KIAA1210: variants seen among roughly 807,000 people sequenced by gnomAD.
KIAA1210 encodes the protein acrosomal protein KIAA1210.
In KIAA1210, 48 loss-of-function variants were observed where a neutral mutation model predicts 78.9. The observed-to-expected ratio is 0.61, with a 90% CI of 0.48 to 0.77. KIAA1210 has a LOEUF of 0.77. KIAA1210 is among the 30% of genes least tolerant of loss of function. The probability of loss-of-function intolerance (pLI) is 0.00; values close to 1 mark genes in which losing one functional copy is unlikely to be tolerated. For synonymous variants in KIAA1210, 406 were observed against 404.5 expected (o/e 1.00, Z -0.04); for missense variants, 1,108 against 1,100.0 (o/e 1.01, Z -0.10).
chrX:119,093,868 T>C, intron 7 of KIAA1210, 93 bp from the exon 8 acceptor site: 1 of 914,863 alleles, frequency 1.1e-6, no homozygotes, highest in Non-Finnish European at 1.5e-6. Flanking sequence ...GGAAAAAAGT[T>C]CTTGATGCTG....
chrX:119,105,237 G>A, intron 5 of KIAA1210, 90 bp from the exon 6 acceptor site: 1 of 941,014 alleles, frequency 1.1e-6, no homozygotes. Context: ...ATAAGAGTAA[G>A]GAATCCAAAG....
intron 2 of KIAA1210, among the ~76,000 whole-genome samples, chrX:119,134,248 T>A (rs1056602654): frequency 3.9e-4 from 43 of 111,638 alleles, no homozygotes; most frequent in African/African-American, 1.4e-3. Context: ...TGTGCCTGCC[T>A]TATTTCACTT....
intron 5 of KIAA1210, among the ~76,000 whole-genome samples, chrX:119,107,065 G>A (rs1283393445): frequency 8.9e-6 from 1 of 111,978 alleles, no homozygotes; most frequent in Admixed American, 9.5e-5. Flanking sequence ...CCCATGCAAA[G>A]GTCAGGTTGG....
chrX:119,111,136 C>T (rs1033455688), intron 3 of KIAA1210, among the ~76,000 whole-genome samples: 2 of 111,131 alleles, frequency 1.8e-5, no homozygotes, highest in Non-Finnish European at 1.9e-5. Flanking sequence ...CAGAAATGAA[C>T]CTATACATCT....
At chrX:119,102,192 T>C (rs760825721) in intron 6 of KIAA1210, among the ~76,000 whole-genome samples, 1 of 112,710 alleles carries the variant, frequency 8.9e-6, no homozygotes, top group African/African-American at 3.2e-5. Flanking sequence ...TTCACCTCTC[T>C]GAACCTCAAT....
intron 2 of KIAA1210, among the ~76,000 whole-genome samples, chrX:119,144,265 G>A (rs759477134): frequency 8.9e-6 from 1 of 112,429 alleles, no homozygotes; most frequent in Admixed American, 9.4e-5. Context: ...GCCTAACATC[G>A]TGAGGAACTC....
chrX:119,081,619 G>T, intron 11 of KIAA1210, 115 bp from the exon 12 acceptor site: 1 of 706,925 alleles, frequency 1.4e-6, no homozygotes, highest in Non-Finnish European at 2.0e-6. Flanking sequence ...TGATCCCCCT[G>T]CTCTAGTGCT....
In KIAA1210 at chrX:119,089,750, C is replaced by G; in HGVS notation, c.956-4G>C. On this transcript the variant is annotated splice_polypyrimidine_tract_variant and splice_region_variant and intron_variant, in intron 8 of 11. Coordinates refer to ENST00000691062, the MANE Select transcript of KIAA1210 (RefSeq NM_001394962.1). ...TTCTGTTTCTGGCTTGAGGAATCTGCACCAAACAGAAATAAGGAAAGGAGA... is the reference window on the plus strand; with the variant it reads ...TTCTGTTTCTGGCTTGAGGAATCTGGACCAAACAGAAATAAGGAAAGGAGA... 1 of 1,183,247 alleles carries G rather than the reference C, an allele frequency of 8.5e-7. No homozygotes were observed. Among genetic ancestry groups the G allele is most frequent in the Non-Finnish European group, 1.1e-6 (1 of 882,881 alleles).
At position 119,089,063 on chromosome X, in the gene KIAA1210, G is replaced by T. The variant is rs760215525; in HGVS notation, c.1639C>A (p.Gln547Lys). The T allele has an allele frequency of 8.3e-7, 1 of 1,211,674 alleles. No individual in the cohort carries two copies. ...TCTTTGCAGATAGTTTGAACATCCTGGGCTGACTCCATTTTGGATTGGGCC... is the reference window on the plus strand; with the variant it reads ...TCTTTGCAGATAGTTTGAACATCCTTGGCTGACTCCATTTTGGATTGGGCC... ...QKAQSKMESA[Q>K]DVQTICKEKP... is the part of the protein sequence containing the mutation. The change falls in exon 9 of 12, where the codon CAG becomes AAG. Residue 547 changes from glutamine (Q) to lysine (K), a missense_variant. Gln to Lys is a moderately conservative substitution (Grantham distance 53). Around this residue, in one of 5 missense-constraint regions of KIAA1210, gnomAD observed 672 missense variants for 607.1 expected, o/e 1.11. Transcript: ENST00000691062.
chrX:119,103,081 A>G (rs1478792196), intron 6 of KIAA1210, among the ~76,000 whole-genome samples: 1 of 111,590 alleles, frequency 9.0e-6, no homozygotes, highest in Admixed American at 9.5e-5. Flanking sequence ...TCTTTCCCCA[A>G]TATCCGCCTT....
chrX:119,129,050 G>T (rs747604925), upstream of KIAA1210, among the ~76,000 whole-genome samples: 2 of 111,784 alleles, frequency 1.8e-5, no homozygotes, highest in South Asian at 3.7e-4. Flanking sequence ...CTAGTTTTTT[G>T]TCTATCTCCT....
chrX:119,082,077 T>C (rs1926984713), intron 11 of KIAA1210, among the ~76,000 whole-genome samples: 1 of 111,875 alleles, frequency 8.9e-6, no homozygotes, highest in Non-Finnish European at 1.9e-5. Context: ...CTTAGTGACT[T>C]AGAATCAACC....
chrX:119,126,533 C>G (rs891529239), intron 1 of KIAA1210, among the ~76,000 whole-genome samples: 1 of 112,009 alleles, frequency 8.9e-6, no homozygotes, highest in African/African-American at 3.3e-5. Context: ...ACTTGAGTCC[C>G]AGGCCCACAC....
At chrX:119,085,712 T>C (rs1927111018) in intron 9 of KIAA1210, among the ~76,000 whole-genome samples, 166 bp from the exon 10 acceptor site, 1 of 112,437 alleles carries the variant, frequency 8.9e-6, no homozygotes. Flanking sequence ...GCCCTCCCTA[T>C]AGCTTGGCAA....
At chrX:119,083,410 T>C (rs186835833) in intron 10 of KIAA1210, among the ~76,000 whole-genome samples, 26 of 112,327 alleles carry the variant, frequency 2.3e-4, no homozygotes, top group African/African-American at 8.4e-4. Context: ...GTTAACAAGA[T>C]AATTATTTAA....
At chrX:119,138,945 C>A (rs181027425) in intron 2 of KIAA1210, among the ~76,000 whole-genome samples, 70 of 112,179 alleles carry the variant, frequency 6.2e-4, no homozygotes, top group African/African-American at 1.6e-3. Flanking sequence ...GAGAGAAAAG[C>A]ATACCCCAGC....
chrX:119,088,106 C>T lies in KIAA1210; in HGVS notation c.2596G>A (p.Glu866Lys). The T allele has an allele frequency of 8.3e-7, 1 of 1,211,431 alleles. No individual in the cohort carries two copies. The highest frequency in any genetic ancestry group is 3.0e-5 in the East Asian group (1 of 33,829). Residue 866 changes from glutamate (E) to lysine (K), a missense_variant, in exon 9 of 12, where the codon GAA becomes AAA. Physicochemically the swap from Glu to Lys is moderately conservative, Grantham distance 56. Transcript: ENST00000691062. ...GGCAGCGGTTCCACATAAGTGCCTT[C>T]CTCAACAGCTGTGCTTTCTGAGATT... ...RQISESTAVE[E>K]GTYVEPLPPR...
At chrX:119,129,527 T>C (rs1928737643), upstream of KIAA1210, among the ~76,000 whole-genome samples, 2 of 111,746 alleles carry the variant, frequency 1.8e-5, no homozygotes, top group Non-Finnish European at 3.8e-5. Flanking sequence ...ACCACCTTTG[T>C]GGTCAGAAAT....
chrX:119,094,425 G>T (rs1218932976), intron 7 of KIAA1210, among the ~76,000 whole-genome samples: 1 of 112,172 alleles, frequency 8.9e-6, no homozygotes, highest in Non-Finnish European at 1.9e-5. Flanking sequence ...TCCGGAATTT[G>T]CTTAGTGTAA....
Sources: allele counts gnomAD v4.1 joint callset (sites outside exome capture counted in the v4.1 genomes callset), GRCh38; gene constraint gnomAD v4.1.1; regional missense constraint gnomAD v4.1.1; transcripts MANE v1.5; gene names NCBI Gene and HGNC (gene_info 2026-07-23, HGNC 2026-07-21).